Variants in CCDC192 observed in about 807,000 individuals in gnomAD.
CCDC192 encodes the protein coiled-coil domain-containing protein 192.
chr5:127,740,947 TCA>T (rs1421256740), intron 2 of CCDC192, among the ~76,000 whole-genome samples: 2 of 152,150 alleles, frequency 1.3e-5, no homozygotes, highest in Admixed American at 1.3e-4. Flanking sequence ...AATAATCCTG[TCA>T]CACAAAAAAA....
intron 6 of CCDC192, among the ~76,000 whole-genome samples, chr5:127,932,403 C>T (rs1754062022): frequency 6.6e-6 from 1 of 152,046 alleles, no homozygotes; most frequent in African/African-American, 2.4e-5. Flanking sequence ...AGGGTTTCTC[C>T]ATGTTGGTCA....
chr5:127,784,074 T>C (rs2126939213), intron 3 of CCDC192, among the ~76,000 whole-genome samples: 1 of 152,360 alleles, frequency 6.6e-6, no homozygotes, highest in Middle Eastern at 3.4e-3. Flanking sequence ...TGGTGAATAC[T>C]TATCCATTCT....
intron 2 of CCDC192, among the ~76,000 whole-genome samples, chr5:127,713,893 C>T (rs1337093592): frequency 2.6e-5 from 4 of 152,090 alleles, no homozygotes; most frequent in Non-Finnish European, 5.9e-5. Context: ...TTGAAATATA[C>T]GTATTATTGT....
intron 5 of CCDC192, among the ~76,000 whole-genome samples, chr5:127,843,606 T>C (rs928261197): frequency 2.0e-5 from 3 of 152,038 alleles, no homozygotes; most frequent in Non-Finnish European, 2.9e-5. Flanking sequence ...CCTGGCTAAC[T>C]TTTGTATTTT....
Position 127,790,596 on chromosome 5 carries a change from A to G in CCDC192, c.223-6507A>G, listed in dbSNP as rs569673943. On this transcript the variant is annotated intron_variant, in intron 3 of 6. Transcript: ENST00000514853. ...TTTTTGTACCGTTAACCAACTTCTC[A>G]TTATCCTCTCCTCTTCCTTTTTCTT... 1.3e-3 allele frequency among the ~76,000 whole-genome samples: 198 copies of G among 152,254 alleles called. 1 individual carries two copies. The highest frequency in any genetic ancestry group is 4.5e-3 in the African/African-American group (189 of 41,554).
chr5:127,779,635 C>A (rs1756075361), intron 3 of CCDC192, among the ~76,000 whole-genome samples: 1 of 152,144 alleles, frequency 6.6e-6, no homozygotes, highest in South Asian at 2.1e-4. Flanking sequence ...CAATGCAGAA[C>A]CCATGCATTA....
intron 3 of CCDC192, among the ~76,000 whole-genome samples, chr5:127,774,536 C>T (rs763100837): frequency 6.6e-6 from 1 of 152,184 alleles, no homozygotes; most frequent in Non-Finnish European, 1.5e-5. Context: ...ACTGTCTTGG[C>T]ACCATTGTCA....
At chr5:127,730,132 A>T (rs1752558777) in intron 2 of CCDC192, among the ~76,000 whole-genome samples, 1 of 152,178 alleles carries the variant, frequency 6.6e-6, no homozygotes, top group African/African-American at 2.4e-5. Context: ...AAGCTAGACT[A>T]ATAAAGAAGA....
At chr5:127,902,506 C>A (rs942993511) in intron 6 of CCDC192, among the ~76,000 whole-genome samples, 1 of 152,144 alleles carries the variant, frequency 6.6e-6, no homozygotes, top group African/African-American at 2.4e-5. Flanking sequence ...CATAAACGTT[C>A]CTTACTTGAT....
At chr5:127,783,803 T>A (rs1756381921) in intron 3 of CCDC192, among the ~76,000 whole-genome samples, 2 of 152,160 alleles carry the variant, frequency 1.3e-5, no homozygotes, top group African/African-American at 4.8e-5. Context: ...GTTTTACAAA[T>A]TTGGGAGCTC....
intron 5 of CCDC192, among the ~76,000 whole-genome samples, chr5:127,833,711 A>G (rs1298471861): frequency 6.6e-6 from 1 of 152,154 alleles, no homozygotes; most frequent in Non-Finnish European, 1.5e-5. Context: ...TGAATAGAAA[A>G]CCTATATTTT....
chr5:127,918,587 G>A (rs1412617557), intron 6 of CCDC192, among the ~76,000 whole-genome samples: 1 of 152,168 alleles, frequency 6.6e-6, no homozygotes, highest in Non-Finnish European at 1.5e-5. Flanking sequence ...ATTCAAACAT[G>A]CTAATTTGCA....
rs145404987 is a variant in CCDC192 at position 127,828,139 on chromosome 5, G to A, written c.411+29977G>A. On this transcript the variant is annotated intron_variant, in intron 5 of 6. Transcript: ENST00000514853. ...CCAGGCTGGTCTCAAACTCCTGACC[G>A]CAGGTGGTCTGCCCACCTCGGCTTC... Among the ~76,000 whole-genome samples, 811 of 152,184 alleles carry A rather than the reference G, an allele frequency of 5.3e-3. 11 individuals carry two copies. The highest frequency in any genetic ancestry group is 0.019 in the African/African-American group (776 of 41,518).
At chr5:127,782,685 G>A (rs566172363) in intron 3 of CCDC192, among the ~76,000 whole-genome samples, 1 of 151,710 alleles carries the variant, frequency 6.6e-6, no homozygotes, top group Non-Finnish European at 1.5e-5. Context: ...TCTTATTGAG[G>A]TTTTTTGGAT....
chr5:127,831,836 A>G (rs1749810600), intron 5 of CCDC192, among the ~76,000 whole-genome samples: 1 of 152,140 alleles, frequency 6.6e-6, no homozygotes, highest in Admixed American at 6.6e-5. Flanking sequence ...GTACATAATA[A>G]GAATATTATG....
chr5:127,764,133 T>A (rs370779058), intron 3 of CCDC192, among the ~76,000 whole-genome samples: 1 of 152,204 alleles, frequency 6.6e-6, no homozygotes, highest in African/African-American at 2.4e-5. Flanking sequence ...CCCATGTTTT[T>A]TCCATTATAC....
intron 2 of CCDC192, among the ~76,000 whole-genome samples, chr5:127,719,506 CATATAT>C (rs71575704): frequency 1.6e-5 from 2 of 124,432 alleles, no homozygotes; most frequent in African/African-American, 3.6e-5. Flanking sequence ...CACACACATA[CATATAT>C]ATATATATAT....
chr5:127,908,897 C>T (rs1753270392), intron 6 of CCDC192, among the ~76,000 whole-genome samples: 1 of 152,066 alleles, frequency 6.6e-6, no homozygotes. Context: ...TTCTCAGACT[C>T]TCAAAATCAT....
chr5:127,756,399 G>T (rs968232757), intron 3 of CCDC192, among the ~76,000 whole-genome samples: 4 of 152,106 alleles, frequency 2.6e-5, no homozygotes, highest in African/African-American at 9.7e-5. Flanking sequence ...GACGGGGAGG[G>T]GCCCGGGAAG....
Sources: allele counts gnomAD v4.1 joint callset (sites outside exome capture counted in the v4.1 genomes callset), GRCh38; gene constraint gnomAD v4.1.1; transcripts MANE v1.5; gene names NCBI Gene and HGNC (gene_info 2026-07-23, HGNC 2026-07-21).